The following NFATC2 variants were observed in gnomAD, a reference collection of about 807,000 sequenced individuals.
The protein encoded by NFATC2 is nuclear factor of activated T-cells, cytoplasmic 2.
A neutral mutation model predicts 87.3 loss-of-function variants in NFATC2; 22 were observed. The ratio of observed to expected loss-of-function variants is 0.25; its 90% confidence interval spans 0.18 to 0.36. NFATC2 has a LOEUF of 0.36. NFATC2 is among the 10% of genes least tolerant of loss of function. The probability of loss-of-function intolerance (pLI) is 1.00; values close to 1 mark genes in which losing one functional copy is unlikely to be tolerated. For missense variants in NFATC2, 1,149 were observed against 1,259.1 expected, an observed-to-expected ratio of 0.91 and a Z score of 1.32; for synonymous variants, 565 against 542.2, an observed-to-expected ratio of 1.04 and a Z score of -0.58.
chr20:51,537,970 C>G (rs1023072335), intron 1 of NFATC2, among the ~76,000 whole-genome samples: 1 of 152,168 alleles, frequency 6.6e-6, no homozygotes, highest in South Asian at 2.1e-4. Context: ...TGTAAAGAGA[C>G]CAATTCCCAC....
At chr20:51,561,459 G>T (rs1224147100) in intron 1 of NFATC2, among the ~76,000 whole-genome samples, 1 of 125,708 alleles carries the variant, frequency 8.0e-6, no homozygotes, top group African/African-American at 3.0e-5. Flanking sequence ...AAGAAAGAAA[G>T]AAAGAAAGAA....
intron 1 of NFATC2, among the ~76,000 whole-genome samples, chr20:51,532,419 G>A (rs372975620): frequency 1.8e-3 from 271 of 152,140 alleles, no homozygotes; most frequent in African/African-American, 6.0e-3. Flanking sequence ...GATCCCCCCC[G>A]GAAAAGAAAT....
At chr20:51,506,565 G>A (rs997923364) in intron 3 of NFATC2, among the ~76,000 whole-genome samples, 5 of 130,600 alleles carry the variant, frequency 3.8e-5, no homozygotes, top group South Asian at 2.6e-4. Context: ...AGTGCCTTCC[G>A]AGGCCGTTAG....
intron 3 of NFATC2, among the ~76,000 whole-genome samples, chr20:51,493,299 C>A (rs1056867070): frequency 1.3e-5 from 2 of 150,452 alleles, no homozygotes. Context: ...GCTCTTAGAA[C>A]CAGTGGCGAC....
intron 5 of NFATC2, among the ~76,000 whole-genome samples, chr20:51,472,862 T>C (rs554563083): frequency 6.6e-6 from 1 of 152,284 alleles, no homozygotes; most frequent in East Asian, 1.9e-4. Context: ...CTTGAACTCC[T>C]GACCTCAAGA....
At chr20:51,451,059 C>T (rs1048942176) in intron 6 of NFATC2, among the ~76,000 whole-genome samples, 8 of 152,228 alleles carry the variant, frequency 5.3e-5, no homozygotes, top group African/African-American at 1.9e-4. Flanking sequence ...CTTTCCTGCA[C>T]AGTTCCATCA....
chr20:51,492,697 G>A (rs1463368465), intron 3 of NFATC2, among the ~76,000 whole-genome samples: 2 of 152,246 alleles, frequency 1.3e-5, no homozygotes, highest in African/African-American at 4.8e-5. Context: ...TTGGGGAGCA[G>A]GAGGCGGCCG....
rs1206622486 is a variant in NFATC2, at chr20:51,388,939, CCTT to C, written c.*2554_*2556del. ...GTACTGGAAATATTTCATGAGCCAT[CCTT>C]CTTGGCAAAATTTCCTCCTAGCATT... On this transcript the variant is annotated 3_prime_UTR_variant, in exon 11 of 11. Transcript: ENST00000371564. The C allele has an allele frequency of 1.3e-5, 2 of 152,196 alleles. No individual in the cohort carries two copies. The highest frequency in any genetic ancestry group is 2.4e-5 in the African/African-American group (1 of 41,446). 9.4% of individuals were successfully genotyped at this position (152,196 alleles called of 1,614,324 possible).
At chr20:51,527,813 A>G (rs2076569054) in intron 1 of NFATC2, among the ~76,000 whole-genome samples, 1 of 152,060 alleles carries the variant, frequency 6.6e-6, no homozygotes, top group Admixed American at 6.5e-5. Context: ...TTAGAAATTC[A>G]TCCTGGGCCA....
At position 51,432,722 on chromosome 20, in the gene NFATC2, A is replaced by G. The variant is rs746411120; in HGVS notation, c.2067T>C (p.Tyr689=). ...TGGGGCTGCAGATCAGAGTGGGGTC[A>G]TATTCATCCGTGGGCTCCGTCTTGA... ...PAIKTEPTDE[Y]DPTLICSPTH... is the part of the protein sequence containing the mutation. Residue 689 remains tyrosine, a synonymous_variant, in exon 9 of 11, where the codon TAT becomes TAC. Coordinates refer to ENST00000371564, the MANE Select transcript of NFATC2 (RefSeq NM_012340.5). This position sits in a 1 kb window ranked among gnomAD's most constrained non-coding sequence, Gnocchi z 4.6. The G allele has an allele frequency of 5.7e-6, 9 of 1,586,422 alleles. No homozygotes were observed. The East Asian group carries it at 1.6e-4, about 28-fold the overall frequency.
intron 3 of NFATC2, among the ~76,000 whole-genome samples, chr20:51,516,372 G>A (rs1289080557): frequency 6.6e-6 from 1 of 152,200 alleles, no homozygotes; most frequent in African/African-American, 2.4e-5. Flanking sequence ...TAGGTAGTTT[G>A]ATAATGTATA....
At chr20:51,398,588 A>ATTTTTTTTT (rs1987588558) in intron 10 of NFATC2, 55 bp downstream of exon 10, 4 of 1,316,788 alleles carry the variant, frequency 3.0e-6, no homozygotes, top group Admixed American at 2.4e-5. Context: ...AAAAAATTCA[A>ATTTTTTTTT]GTTAAGGAAA....
chr20:51,509,789 CT>C (rs2076243246), intron 3 of NFATC2, among the ~76,000 whole-genome samples: 1 of 152,222 alleles, frequency 6.6e-6, no homozygotes. Context: ...AGCATAAAAG[CT>C]GAAATCCAAC....
upstream of NFATC2, among the ~76,000 whole-genome samples, chr20:51,545,117 G>A (rs576815245): frequency 6.6e-6 from 1 of 152,258 alleles, no homozygotes; most frequent in African/African-American, 2.4e-5. Flanking sequence ...GGGACCCAAG[G>A]TCCAGATGAT....
intron 5 of NFATC2, among the ~76,000 whole-genome samples, chr20:51,461,356 C>G (rs1987126457): frequency 6.6e-6 from 1 of 152,194 alleles, no homozygotes; most frequent in Admixed American, 6.5e-5. Context: ...AACCAGGCAC[C>G]TTGCTTTTAA....
intron 3 of NFATC2, among the ~76,000 whole-genome samples, chr20:51,513,846 C>T (rs2076310054): frequency 6.6e-6 from 1 of 152,264 alleles, no homozygotes; most frequent in Non-Finnish European, 1.5e-5. Flanking sequence ...GAGTGGCCCG[C>T]AGGAGGCGTG....
At chr20:51,517,088 G>C (rs748747469) in intron 2 of NFATC2, 133 bp from the exon 3 acceptor site, 16 of 925,558 alleles carry the variant, frequency 1.7e-5, no homozygotes, top group Non-Finnish European at 2.5e-5. Context: ...ATACGTTCCG[G>C]GAAATGCACC....
At chr20:51,489,906 C>T (rs1444288610) in intron 3 of NFATC2, among the ~76,000 whole-genome samples, 3 of 152,188 alleles carry the variant, frequency 2.0e-5, no homozygotes, top group Admixed American at 6.5e-5. Context: ...GTCTGACACA[C>T]GCAGGAATGA....
At chr20:51,489,057 G>A (rs1211351864) in intron 3 of NFATC2, among the ~76,000 whole-genome samples, 1 of 152,230 alleles carries the variant, frequency 6.6e-6, no homozygotes, top group African/African-American at 2.4e-5. Flanking sequence ...AGACAGGGTG[G>A]CGGGCGCCTG....
Sources: allele counts gnomAD v4.1 joint callset (sites outside exome capture counted in the v4.1 genomes callset), GRCh38; gene constraint gnomAD v4.1.1; non-coding constraint Gnocchi (gnomAD v3.1); transcripts MANE v1.5; gene names NCBI Gene and HGNC (gene_info 2026-07-23, HGNC 2026-07-21).